GAD1: variants seen among roughly 807,000 people sequenced by gnomAD.
GAD1 encodes the protein glutamate decarboxylase 1, also known as 67 kDa glutamic acid decarboxylase.
In GAD1, 35 loss-of-function variants were observed where a neutral mutation model predicts 75.2. The observed-to-expected ratio is 0.47, with a 90% CI of 0.36 to 0.62. GAD1 has a LOEUF of 0.62. Ranked by LOEUF, GAD1 falls within the 20% of genes least tolerant of loss-of-function variation. The probability of loss-of-function intolerance (pLI) is 0.00; values close to 1 mark genes in which losing one functional copy is unlikely to be tolerated. For synonymous variants in GAD1, 257 were observed against 271.9 expected (o/e 0.95, Z 0.54); for missense variants, 490 against 758.5 (o/e 0.65, Z 4.16).
In GAD1 at chr2:170,853,781, C is replaced by A; in HGVS notation, c.1264-92C>A. 4 of 1,283,048 alleles carry A rather than the reference C, an allele frequency of 3.1e-6. No homozygotes were observed. In the Admixed American group the frequency reaches 5.0e-5, roughly 16 times the overall value. 79.5% of individuals were successfully genotyped at this position (1,283,048 alleles called of 1,614,324 possible). On this transcript the variant is annotated intron_variant, in intron 13 of 16. Transcript: ENST00000358196. The surrounding 1 kb of genome is among the most constrained non-coding windows in gnomAD (Gnocchi z 4.1). ...CATCAGAAGAAAGATTGCATATGACCCCAAGCCCCTCCTTCCAAGCAGCCT... is the reference window on the plus strand; with the variant it reads ...CATCAGAAGAAAGATTGCATATGACACCAAGCCCCTCCTTCCAAGCAGCCT...
intron 12 of GAD1, among the ~76,000 whole-genome samples, chr2:170,849,837 G>T (rs949461892): frequency 2.0e-5 from 3 of 152,236 alleles, no homozygotes. Context: ...ATCAGAGTTT[G>T]CCAAGGGCAC....
chr2:170,826,478 GA>G (rs1231382557), intron 3 of GAD1, among the ~76,000 whole-genome samples: 1 of 149,188 alleles, frequency 6.7e-6, no homozygotes, highest in Non-Finnish European at 1.5e-5. Flanking sequence ...TGAGGCAAGA[GA>G]ATCACTTGAA....
intron 2 of GAD1, among the ~76,000 whole-genome samples, chr2:170,821,399 G>C (rs1701874541): frequency 6.6e-6 from 1 of 152,136 alleles, no homozygotes; most frequent in Non-Finnish European, 1.5e-5. Flanking sequence ...GCCTGCTCCA[G>C]ACCCAAGATG....
chr2:170,816,501 GGGGGAGGGGAAATGGGAGAGGGGAAAGGA>G (rs1411480953), upstream of GAD1: 2 of 152,150 alleles, frequency 1.3e-5, no homozygotes, highest in African/African-American at 4.8e-5. Flanking sequence ...ATATATGGGA[GGGGGAGGGGAAATGGGAGAGGGGAAAGGA>G]GGGGAGGGAA....
intron 10 of GAD1, 116 bp from the exon 11 acceptor site, chr2:170,847,560 A>T: frequency 3.8e-6 from 3 of 791,848 alleles, no homozygotes; most frequent in Non-Finnish European, 6.9e-6. Context: ...CTGGTAATAC[A>T]TAAGTTTTGC....
At chr2:170,835,629 CTT>C (rs1702352179) in intron 5 of GAD1, among the ~76,000 whole-genome samples, 1 of 152,192 alleles carries the variant, frequency 6.6e-6, no homozygotes, top group African/African-American at 2.4e-5. Flanking sequence ...CTTTGTCCAT[CTT>C]TTGTTTCTGC....
intron 12 of GAD1, among the ~76,000 whole-genome samples, chr2:170,851,805 G>C (rs541980971): frequency 6.6e-6 from 1 of 152,158 alleles, no homozygotes; most frequent in East Asian, 1.9e-4. Context: ...ATCTAATTGT[G>C]TCTGACAGAA....
chr2:170,819,004 C>T (rs2105750778), intron 2 of GAD1, among the ~76,000 whole-genome samples: 1 of 152,188 alleles, frequency 6.6e-6, no homozygotes, highest in South Asian at 2.1e-4. Flanking sequence ...CAGGGGTCAG[C>T]GCAGGGGGCG....
chr2:170,854,494 A>G (rs936089083), intron 14 of GAD1, among the ~76,000 whole-genome samples: 3 of 138,336 alleles, frequency 2.2e-5, no homozygotes, highest in East Asian at 4.3e-4. Flanking sequence ...TCCGCCTCCC[A>G]GGTTCACGCC....
Position 170,818,819 on chromosome 2 carries a change from G to A in GAD1, c.82+146G>A, listed in dbSNP as rs1223659158. On this transcript the variant is annotated intron_variant, in intron 2 of 16. Transcript: ENST00000358196. The surrounding 1 kb of genome is among the most constrained non-coding windows in gnomAD (Gnocchi z 5.9). ...TAAATGGGGCTCTGACCCCGTCCCT[G>A]CCAGAGGTCATTCGGCTGTCAGGGA... is the stretch of plus-strand genomic sequence containing the variant. 5 of 802,514 alleles carry A rather than the reference G, an allele frequency of 6.2e-6. No homozygotes were observed. The allele number at this position is 802,514 out of a possible 1,614,324, so 49.7% of individuals were successfully genotyped here. A position where few individuals can be genotyped will look rare whatever the true frequency, so the allele number is the denominator to read the frequency against.
intron 6 of GAD1, among the ~76,000 whole-genome samples, chr2:170,837,249 G>C (rs888013521): frequency 6.6e-6 from 1 of 152,046 alleles, no homozygotes; most frequent in Non-Finnish European, 1.5e-5. Flanking sequence ...TATCATTTAG[G>C]TCATGTTTCT....
intron 11 of GAD1, 53 bp from the exon 12 acceptor site, chr2:170,849,233 A>G: frequency 6.7e-7 from 1 of 1,503,390 alleles, no homozygotes; most frequent in Non-Finnish European, 9.3e-7. Flanking sequence ...GACTAGTTTT[A>G]GATTCTTAAA....
At chr2:170,842,958 C>G (rs550432630) in intron 6 of GAD1, among the ~76,000 whole-genome samples, 35 of 152,312 alleles carry the variant, frequency 2.3e-4, no homozygotes, top group African/African-American at 8.2e-4. Context: ...GCACTTGGCT[C>G]AAACACCCTA....
Position 170,831,086 on chromosome 2 carries a change from G to T in GAD1, c.441G>T (p.Leu147Phe). 1 of 1,614,184 alleles carries T rather than the reference G, an allele frequency of 6.2e-7. No homozygotes were observed. Among genetic ancestry groups the T allele is most frequent in the Non-Finnish European group, 8.5e-7 (1 of 1,180,032 alleles). The change falls in exon 5 of 17, where the codon TTG becomes TTT. Residue 147 changes from leucine to phenylalanine, a missense_variant. Leu to Phe is a conservative substitution (Grantham distance 22). Coordinates refer to ENST00000358196, the MANE Select transcript of GAD1 (RefSeq NM_000817.3). Reference sequence around the variant, plus strand: ...TGGACTTTCATCACCCACACCAGTTGCTGGAAGGCATGGAGGGCTTCAACT... The same window carrying T: ...TGGACTTTCATCACCCACACCAGTTTCTGGAAGGCATGGAGGGCTTCAACT... ...KVLDFHHPHQLLEGMEGFNLE... is the reference protein window; with the variant it reads ...KVLDFHHPHQFLEGMEGFNLE...
At chr2:170,822,418 G>T (rs1701911592) in intron 3 of GAD1, among the ~76,000 whole-genome samples, 1 of 152,246 alleles carries the variant, frequency 6.6e-6, no homozygotes, top group Non-Finnish European at 1.5e-5. Context: ...CTGCCTGGGC[G>T]CAGAAGCGGG....
intron 14 of GAD1, among the ~76,000 whole-genome samples, chr2:170,855,607 G>T (rs1006336143): frequency 4.6e-4 from 69 of 151,104 alleles, no homozygotes; most frequent in African/African-American, 1.3e-3. Context: ...GGGCACGGTG[G>T]CTCACGCATG....
At chr2:170,826,908 T>G (rs1018020167) in intron 3 of GAD1, among the ~76,000 whole-genome samples, 2 of 152,110 alleles carry the variant, frequency 1.3e-5, no homozygotes, top group Non-Finnish European at 2.9e-5. Context: ...GGCAAATGAG[T>G]GCTGGCTCCT....
chr2:170,819,072 G>A (rs376429997), intron 2 of GAD1, among the ~76,000 whole-genome samples: 5 of 152,152 alleles, frequency 3.3e-5, no homozygotes, highest in African/African-American at 9.7e-5. Context: ...GGCTTTCGTT[G>A]AGCCAAGATC....
chr2:170,847,182 G>A (rs894404369), intron 10 of GAD1, among the ~76,000 whole-genome samples: 2 of 152,110 alleles, frequency 1.3e-5, no homozygotes, highest in African/African-American at 4.8e-5. Flanking sequence ...CAATGTTTCA[G>A]TATAATTATT....
Sources: gnomAD v4.1 joint callset for allele counts (sites outside exome capture counted in the v4.1 genomes callset) on GRCh38, gnomAD v4.1.1 for gene constraint, Gnocchi (gnomAD v3.1) non-coding constraint, MANE v1.5 for transcripts, NCBI Gene and HGNC (gene_info 2026-07-23, HGNC 2026-07-21) for gene names.